Variants in RBBP9 observed in about 807,000 individuals in gnomAD.
RBBP9 encodes the protein serine hydrolase RBBP9.
In RBBP9, 20 loss-of-function variants were observed where a neutral mutation model predicts 24.2. That is an observed-to-expected ratio of 0.83 (90% confidence interval 0.58 to 1.20). The LOEUF (loss-of-function observed/expected upper bound fraction) is 1.20. Ranked by LOEUF, RBBP9 falls within the 50% of genes most tolerant of loss-of-function variation. The pLI is 0.00. For missense variants in RBBP9, 234 were observed against 233.6 expected (o/e 1.00, Z -0.01); for synonymous variants, 74 against 84.6 (o/e 0.87, Z 0.69).
At chr20:18,496,936 G>C in intron 1 of RBBP9, 133 bp downstream of exon 1, 3 of 697,930 alleles carry the variant, frequency 4.3e-6, no homozygotes, top group Non-Finnish European at 7.3e-6. Flanking sequence ...AGAAGGCAGC[G>C]GGGGAGAGGC....
At position 18,488,211 on chromosome 20, in the gene RBBP9, A is replaced by T. The variant is rs1156948671; in HGVS notation, c.*1553T>A. The stretch of plus-strand genomic sequence containing the variant: ...AAATTATTTGAAGGAACACATAGCG[A>T]TCATAATAGCCAAAAAATGTTGGGA... On this transcript the variant is annotated 3_prime_UTR_variant, in exon 5 of 5. Transcript: ENST00000337227. 1 of 152,086 alleles carries T rather than the reference A, an allele frequency of 6.6e-6. No homozygotes were observed. Among genetic ancestry groups the T allele is most frequent in the Non-Finnish European group, 1.5e-5 (1 of 68,028 alleles). 9.4% of individuals were successfully genotyped at this position (152,086 alleles called of 1,614,324 possible). A position where few individuals can be genotyped will look rare whatever the true frequency, so the allele number is the denominator to read the frequency against.
Position 18,495,864 on chromosome 20 carries a change from C to T in RBBP9, c.116G>A (p.Cys39Tyr), listed in dbSNP as rs1414883763. The T allele has an allele frequency of 1.9e-6, 3 of 1,565,622 alleles. No individual in the cohort carries two copies. The highest frequency in any genetic ancestry group is 2.6e-6 in the Non-Finnish European group (3 of 1,141,210). The change falls in exon 2 of 5, where the codon TGT (cysteine) becomes TAT (tyrosine). Residue 39 changes from cysteine (C) to tyrosine (Y), a missense_variant. Cys to Tyr is a radical substitution (Grantham distance 194). Transcript: ENST00000337227. The stretch of plus-strand genomic sequence containing the variant: ...TGGGTCGGGCATGTTTTTAGCCAAA[C>T]ACTGGAAACCAGGTATCTATGATAT... ...KELEKIPGFQCLAKNMPDPIT... is the reference protein window; with the variant it reads ...KELEKIPGFQYLAKNMPDPIT...
intron 3 of RBBP9, among the ~76,000 whole-genome samples, chr20:18,492,214 A>G (rs2148873676): frequency 6.6e-6 from 1 of 151,946 alleles, no homozygotes; most frequent in African/African-American, 2.4e-5. Flanking sequence ...TGGTACCACT[A>G]TTACACCCAA....
chr20:18,495,962 G>T, intron 1 of RBBP9, 82 bp from the exon 2 acceptor site: 1 of 1,148,274 alleles, frequency 8.7e-7, no homozygotes, highest in Non-Finnish European at 1.2e-6. Flanking sequence ...TGAGGCACCT[G>T]ATATGATCGT....
At chr20:18,490,581 A>C in intron 3 of RBBP9, 101 bp from the exon 4 acceptor site, 1 of 787,388 alleles carries the variant, frequency 1.3e-6, no homozygotes, top group Non-Finnish European at 2.1e-6. Flanking sequence ...GCCTACAGAA[A>C]GCACGTGCTA....
chr20:18,489,856 AT>A lies in RBBP9; in HGVS notation c.468del (p.Lys156AsnfsTer19), dbSNP rs1376356616. ...QQEVADRLET[K>X]LHKFTDCGHF... ...TGGCCACAGTCAGTGAATTTGTGCAATTTGGTTTCCAACCTATCGGCCACTT... is the reference window on the plus strand; with the variant it reads ...TGGCCACAGTCAGTGAATTTGTGCAATTGGTTTCCAACCTATCGGCCACTT... On this transcript the variant is annotated frameshift_variant, in exon 5 of 5. Coordinates refer to ENST00000337227, the MANE Select transcript of RBBP9 (RefSeq NM_006606.3). LOFTEE classifies it high-confidence loss of function. 1 of 1,613,992 alleles carries A rather than the reference AT, an allele frequency of 6.2e-7. No homozygotes were observed. Among genetic ancestry groups the A allele is most frequent in the Non-Finnish European group, 8.5e-7 (1 of 1,179,974 alleles).
At position 18,497,143 on chromosome 20, in the gene RBBP9, T is replaced by G; in HGVS notation, c.25A>C (p.Ile9Leu). 6.2e-7 allele frequency: 1 copy of G among 1,614,124 alleles called. No individual in the cohort carries two copies. Among genetic ancestry groups the G allele is most frequent in the East Asian group, 2.2e-5 (1 of 44,880 alleles). ...TCCCCGCCTCCGTTCCCGGGAACAA[T>G]CACTGCCTTGCTAGGAGAAGCCATG... Reference protein sequence around the residue: MASPSKAVIVPGNGGGDVT... With the variant: MASPSKAVLVPGNGGGDVT... The change falls in exon 1 of 5, where the codon ATT (isoleucine) becomes CTT (leucine). Residue 9 changes from isoleucine to leucine, a missense_variant. Coordinates refer to ENST00000337227, the MANE Select transcript of RBBP9 (RefSeq NM_006606.3).
rs1436881537 is a variant in RBBP9 at position 18,495,612 on chromosome 20, TAAATAAATAAAA to T, written c.142+214_142+225del. 2.6e-3 allele frequency among the ~76,000 whole-genome samples: 86 copies of T among 32,566 alleles called. 1 individual carries two copies. Among genetic ancestry groups the T allele is most frequent in the African/African-American group, 8.0e-3 (79 of 9,906 alleles). The allele number at this position is 32,566 out of a possible 152,430, so 21.4% of individuals were successfully genotyped here. On this transcript the variant is annotated intron_variant, in intron 2 of 4. Coordinates refer to ENST00000337227, the MANE Select transcript of RBBP9 (RefSeq NM_006606.3). ...ATAAATAAATAAATAAATAAATAAA[TAAATAAATAAAA>T]ATGACAAATTCACAGAATTGAAAAA...
intron 2 of RBBP9, among the ~76,000 whole-genome samples, chr20:18,494,541 C>A (rs1282315763): frequency 6.6e-6 from 1 of 151,848 alleles, no homozygotes; most frequent in African/African-American, 2.4e-5. Context: ...ATTAGCCAGG[C>A]GTGATGGCGC....
At chr20:18,491,290 CATTT>C (rs758228367) in intron 3 of RBBP9, among the ~76,000 whole-genome samples, 6 of 152,168 alleles carry the variant, frequency 3.9e-5, no homozygotes, top group Admixed American at 6.5e-5. Flanking sequence ...TTATATTATT[CATTT>C]GTGTTGTCTT....
rs374078420 is a variant in RBBP9 at position 18,497,204 on chromosome 20, A to T, written c.-37T>A. 7 of 1,541,140 alleles carry T rather than the reference A, an allele frequency of 4.5e-6. No individual in the cohort carries two copies. The highest frequency in any genetic ancestry group is 6.3e-6 in the Non-Finnish European group (7 of 1,116,826). On this transcript the variant is annotated 5_prime_UTR_variant, in exon 1 of 5. Transcript: ENST00000337227. ...GGCCAGAGTTCCCCAGCGCGGGTCC[A>T]GCGGAGCTGAGCCCAGCCTGCTCCC... is the stretch of plus-strand genomic sequence containing the variant.
At chr20:18,490,153 A>G (rs750326164) in intron 4 of RBBP9, among the ~76,000 whole-genome samples, 163 bp from the exon 5 acceptor site, 1 of 152,198 alleles carries the variant, frequency 6.6e-6, no homozygotes, top group Non-Finnish European at 1.5e-5. Flanking sequence ...TTGATACCAC[A>G]GTTACTCGTG....
At position 18,487,106 on chromosome 20, in the gene RBBP9, A is replaced by G. The variant is rs1342944139; in HGVS notation, c.*2658T>C. The G allele has an allele frequency of 1.3e-5, 2 of 152,248 alleles. No individual in the cohort carries two copies. The highest frequency in any genetic ancestry group is 3.8e-4 in the East Asian group (2 of 5,204). 9.4% of individuals were successfully genotyped at this position (152,248 alleles called of 1,614,324 possible). A position where few individuals can be genotyped will look rare whatever the true frequency, so the allele number is the denominator to read the frequency against. On this transcript the variant is annotated 3_prime_UTR_variant, in exon 5 of 5. Coordinates refer to ENST00000337227, the MANE Select transcript of RBBP9 (RefSeq NM_006606.3). Reference sequence around the variant, plus strand: ...AATGTTGTCCAATAGAGCTTTCTATAATGACGGAAATAGCCTATATTGGCT... The same window carrying G: ...AATGTTGTCCAATAGAGCTTTCTATGATGACGGAAATAGCCTATATTGGCT...
rs2059889254 is a variant in RBBP9 at position 18,497,061 on chromosome 20, G to C, written c.99+8C>G. On this transcript the variant is annotated splice_region_variant and intron_variant, in intron 1 of 4. Transcript: ENST00000337227. ...TGACTTCACGGAGCAGCGGCGTTGG[G>C]CGCTTACCTTCTCCAGCTCCTTTTT... 6.2e-7 allele frequency: 1 copy of C among 1,612,648 alleles called. No homozygotes were observed. Among genetic ancestry groups the C allele is most frequent in the Non-Finnish European group, 8.5e-7 (1 of 1,178,812 alleles).
At chr20:18,495,978 A>T (rs2059885436) in intron 1 of RBBP9, 98 bp from the exon 2 acceptor site, 1 of 990,170 alleles carries the variant, frequency 1.0e-6, no homozygotes, top group Admixed American at 2.7e-5. Flanking sequence ...ATCGTTACCA[A>T]TTCAGTATTA....
rs2059858843 is a variant in RBBP9 at position 18,489,945 on chromosome 20, C to T, written c.380G>A (p.Cys127Tyr). 1.2e-6 allele frequency: 2 copies of T among 1,610,378 alleles called. No homozygotes were observed. The highest frequency in any genetic ancestry group is 2.2e-5 in the South Asian group (2 of 91,018). The change falls in exon 5 of 5, where the codon TGC (cysteine) becomes TAC (tyrosine). Residue 127 changes from cysteine to tyrosine, a missense_variant. Physicochemically the swap from Cys to Tyr is radical, Grantham distance 194. Transcript: ENST00000337227. ...PWQWEKIKAN[C>Y]PYIVQFGSTD... The stretch of plus-strand genomic sequence containing the variant: ...AGAGCCAAACTGCACAATGTAAGGG[C>T]AGTTGGCCTTGATCTTCTCCCACTG...
intron 1 of RBBP9, among the ~76,000 whole-genome samples, chr20:18,496,765 G>T (rs1441914156): frequency 6.6e-6 from 1 of 152,108 alleles, no homozygotes; most frequent in African/African-American, 2.4e-5. Context: ...AATTATCTGG[G>T]AAGTCCCAAA....
intron 3 of RBBP9, 100 bp downstream of exon 3, chr20:18,493,858 T>C: frequency 1.1e-6 from 1 of 917,984 alleles, no homozygotes; most frequent in Middle Eastern, 3.4e-4. Flanking sequence ...AGGTCAGCAC[T>C]GTTTCCTCTG....
rs2059850095 is a variant in RBBP9, at chr20:18,487,982, T to C, written c.*1782A>G. ...AATAATAAGGACGTCCACCACACTT[T>C]ACCTACCAAAATGCCCATTCCCCAA... On this transcript the variant is annotated 3_prime_UTR_variant, in exon 5 of 5. Coordinates refer to ENST00000337227, the MANE Select transcript of RBBP9 (RefSeq NM_006606.3). 6.6e-6 allele frequency: 1 copy of C among 152,068 alleles called. No individual in the cohort carries two copies. Among genetic ancestry groups the C allele is most frequent in the African/African-American group, 2.4e-5 (1 of 41,406 alleles). The allele number at this position is 152,068 out of a possible 1,614,324, so 9.4% of individuals were successfully genotyped here.
Sources: gnomAD v4.1 joint callset for allele counts (sites outside exome capture counted in the v4.1 genomes callset) on GRCh38, gnomAD v4.1.1 for gene constraint, MANE v1.5 for transcripts, NCBI Gene and HGNC (gene_info 2026-07-23, HGNC 2026-07-21) for gene names.